Variants in NEDD4 observed in about 807,000 individuals in gnomAD.
NEDD4 encodes the protein E3 ubiquitin-protein ligase NEDD4.
A neutral mutation model predicts 144.9 loss-of-function variants in NEDD4; 99 were observed. The observed-to-expected ratio is 0.68, with a 90% CI of 0.58 to 0.81. NEDD4 has a LOEUF of 0.81. Among genes scored for constraint, NEDD4 ranks in the 30% least tolerant of loss-of-function variants. NEDD4 has a pLI of 0.00. For missense variants in NEDD4, 985 were observed against 1,065.9 expected, an observed-to-expected ratio of 0.92 and a Z score of 1.06; for synonymous variants, 318 against 350.6, an observed-to-expected ratio of 0.91 and a Z score of 1.04.
Position 55,826,950 on chromosome 15 carries a change from T to C in NEDD4, c.*2947A>G, listed in dbSNP as rs1192534006. ...TGTTTTTTAAAATCAGAATAGAACTTTATTTGTGGATTCAAGATTTTAAAA... is the reference window on the plus strand; with the variant it reads ...TGTTTTTTAAAATCAGAATAGAACTCTATTTGTGGATTCAAGATTTTAAAA... On this transcript the variant is annotated 3_prime_UTR_variant, in exon 29 of 29. Coordinates refer to ENST00000435532, the MANE Select transcript of NEDD4 (RefSeq NM_006154.4). 2.0e-5 allele frequency: 3 copies of C among 152,198 alleles called. No individual in the cohort carries two copies. Among genetic ancestry groups the C allele is most frequent in the Non-Finnish European group, 2.9e-5 (2 of 68,040 alleles). The allele number at this position is 152,198 out of a possible 1,614,324, so 9.4% of individuals were successfully genotyped here.
At chr15:55,965,866 G>C (rs1350248110) in intron 2 of NEDD4, among the ~76,000 whole-genome samples, 1 of 152,030 alleles carries the variant, frequency 6.6e-6, no homozygotes, top group African/African-American at 2.4e-5. Context: ...GGTCAGGCTG[G>C]TCTCAAACTC....
chr15:55,899,939 T>A (rs2035860984), intron 5 of NEDD4, among the ~76,000 whole-genome samples: 1 of 152,146 alleles, frequency 6.6e-6, no homozygotes, highest in African/African-American at 2.4e-5. Flanking sequence ...TGTAGGAAAT[T>A]TTTTTTAGTA....
chr15:55,935,845 CAAAAAAAAAAA>C (rs35215537), intron 4 of NEDD4, among the ~76,000 whole-genome samples: 1 of 78,264 alleles, frequency 1.3e-5, no homozygotes, highest in Non-Finnish European at 2.4e-5. Context: ...GACTCTGTTT[CAAAAAAAAAAA>C]AAAAAAAAAG....
At chr15:55,943,517 G>C (rs1566962780) in intron 4 of NEDD4, among the ~76,000 whole-genome samples, 1 of 152,218 alleles carries the variant, frequency 6.6e-6, no homozygotes, top group Non-Finnish European at 1.5e-5. Context: ...CGCTGCTCTA[G>C]AAGGTTCAAA....
intron 5 of NEDD4, among the ~76,000 whole-genome samples, chr15:55,911,820 G>A (rs553692426): frequency 6.6e-6 from 1 of 152,202 alleles, no homozygotes; most frequent in East Asian, 1.9e-4. Flanking sequence ...GAGCCACCGC[G>A]CCCGGCCTAG....
intron 1 of NEDD4, among the ~76,000 whole-genome samples, chr15:55,974,331 C>T (rs1391466412): frequency 1.1e-4 from 16 of 152,040 alleles, no homozygotes; most frequent in Admixed American, 9.8e-4. Flanking sequence ...CAAATTCTAC[C>T]AAATATTTAA....
intron 13 of NEDD4, 71 bp downstream of exon 13, chr15:55,852,353 A>G: frequency 6.6e-7 from 1 of 1,506,812 alleles, no homozygotes; most frequent in Middle Eastern, 1.8e-4. Flanking sequence ...CTACAAAGTG[A>G]TGTAATAGTT....
Position 55,827,448 on chromosome 15 carries a change from T to G in NEDD4, c.*2449A>C, listed in dbSNP as rs1010206310. The G allele has an allele frequency of 6.6e-6, 1 of 152,310 alleles. No homozygotes were observed. Among genetic ancestry groups the G allele is most frequent in the Non-Finnish European group, 1.5e-5 (1 of 68,028 alleles). The allele number at this position is 152,310 out of a possible 1,614,324, so 9.4% of individuals were successfully genotyped here. A position where few individuals can be genotyped will look rare whatever the true frequency, so the allele number is the denominator to read the frequency against. On this transcript the variant is annotated 3_prime_UTR_variant, in exon 29 of 29. Transcript: ENST00000435532. ...GGACTGGTGGCAGTTGAGTCTGGTC[T>G]CATTTAACATCATGTTCTATGAGTC...
intron 5 of NEDD4, among the ~76,000 whole-genome samples, chr15:55,906,215 A>T (rs1273004132): frequency 2.0e-5 from 3 of 152,234 alleles, no homozygotes; most frequent in Admixed American, 6.5e-5. Flanking sequence ...ATTGTGGAAG[A>T]CAGTGTGGCG....
At position 55,848,584 on chromosome 15, in the gene NEDD4, A is replaced by C; in HGVS notation, c.1429-9T>G. 1 of 1,608,466 alleles carries C rather than the reference A, an allele frequency of 6.2e-7. No individual in the cohort carries two copies. The highest frequency in any genetic ancestry group is 1.7e-5 in the Admixed American group (1 of 60,012). On this transcript the variant is annotated splice_polypyrimidine_tract_variant and intron_variant, in intron 15 of 28. Transcript: ENST00000435532. The stretch of plus-strand genomic sequence containing the variant: ...CTCTCTTCCCATCCTGGCTATAATT[A>C]AAAATGTATTTCAATTATTTTAGGA...
At chr15:55,874,040 TA>T in intron 5 of NEDD4, 32 bp from the exon 6 acceptor site, 1 of 1,240,672 alleles carries the variant, frequency 8.1e-7, no homozygotes, top group Non-Finnish European at 1.1e-6. Context: ...ATATAATTAG[TA>T]ATACGCTCAA....
chr15:55,949,919 G>A (rs1455426964), intron 4 of NEDD4, among the ~76,000 whole-genome samples: 4 of 151,440 alleles, frequency 2.6e-5, no homozygotes. Flanking sequence ...CCTGCACGTT[G>A]TGCACAGGTA....
rs537798836 is a variant in NEDD4 at position 55,876,352 on chromosome 15, GT to G, written c.292-2345del. On this transcript the variant is annotated intron_variant, in intron 5 of 28. Transcript: ENST00000435532. The stretch of plus-strand genomic sequence containing the variant: ...AGAAAATGGTAAATATGTGGGTAAA[GT>G]TTTTTTTTTTTAAGGTACCTTCTCA... 3.5e-3 allele frequency among the ~76,000 whole-genome samples: 504 copies of G among 142,704 alleles called. 4 individuals are homozygous for G. Among genetic ancestry groups the G allele is most frequent in the African/African-American group, 0.011 (442 of 39,192 alleles). 93.6% of individuals were successfully genotyped at this position (142,704 alleles called of 152,430 possible).
At chr15:55,933,445 C>G (rs963047609) in intron 4 of NEDD4, among the ~76,000 whole-genome samples, 2 of 149,474 alleles carry the variant, frequency 1.3e-5, no homozygotes, top group African/African-American at 4.9e-5. Context: ...AACCAAACAC[C>G]GCATGTTCTC....
chr15:55,903,040 G>GA (rs1383367279), intron 5 of NEDD4, among the ~76,000 whole-genome samples: 2 of 151,982 alleles, frequency 1.3e-5, no homozygotes, highest in Non-Finnish European at 2.9e-5. Context: ...AAATATTTGC[G>GA]AGAGAAACTG....
chr15:55,905,350 A>T, intron 5 of NEDD4: 1 of 449,374 alleles, frequency 2.2e-6, no homozygotes, highest in South Asian at 1.6e-5. Flanking sequence ...CAGAGAGAAG[A>T]CACTAACAAT....
chr15:55,841,823 G>A (rs1333470347), intron 19 of NEDD4, 111 bp downstream of exon 19: 15 of 821,358 alleles, frequency 1.8e-5, no homozygotes, highest in South Asian at 8.1e-5. Flanking sequence ...CGCCCGCCTC[G>A]GCCTCCCAAA....
chr15:55,897,067 A>AG (rs1367631859), intron 5 of NEDD4, among the ~76,000 whole-genome samples: 2 of 152,054 alleles, frequency 1.3e-5, no homozygotes, highest in African/African-American at 4.8e-5. Context: ...TCCACCTCCC[A>AG]GGTTCACGCC....
chr15:55,844,025 T>C (rs2033633355), intron 18 of NEDD4, among the ~76,000 whole-genome samples: 1 of 152,124 alleles, frequency 6.6e-6, no homozygotes, highest in Non-Finnish European at 1.5e-5. Flanking sequence ...ATGGAAGCAA[T>C]GTTCTGCAGG....
Sources: allele counts gnomAD v4.1 joint callset (sites outside exome capture counted in the v4.1 genomes callset), GRCh38; gene constraint gnomAD v4.1.1; transcripts MANE v1.5; gene names NCBI Gene and HGNC (gene_info 2026-07-23, HGNC 2026-07-21).